The following SYT14 variants were observed in gnomAD, a reference collection of about 807,000 sequenced individuals.
SYT14 encodes the protein synaptotagmin 14, also known as synaptotagmin-14.
SYT14 carries 32 observed loss-of-function variants against 74.2 expected under a neutral mutation model. The ratio of observed to expected loss-of-function variants is 0.43; its 90% CI spans 0.33 to 0.58. The LOEUF (loss-of-function observed/expected upper bound fraction) is 0.58. Ranked by LOEUF, SYT14 falls within the 20% of genes least tolerant of loss-of-function variation. SYT14 has a pLI of 0.05. For missense variants in SYT14, 791 were observed against 981.8 expected, an observed-to-expected ratio of 0.81 and a Z score of 2.60; for synonymous variants, 298 against 337.7, an observed-to-expected ratio of 0.88 and a Z score of 1.29.
chr1:210,059,742 C>G (rs1204275252), intron 5 of SYT14, among the ~76,000 whole-genome samples: 2 of 152,088 alleles, frequency 1.3e-5, no homozygotes, highest in African/African-American at 4.8e-5. Flanking sequence ...TGAAAGATAT[C>G]TCCTTTTCTT....
chr1:210,062,840 G>A (rs2081230350), intron 5 of SYT14, among the ~76,000 whole-genome samples: 1 of 151,676 alleles, frequency 6.6e-6, no homozygotes, highest in Non-Finnish European at 1.5e-5. Flanking sequence ...AATATTAAAT[G>A]TTTTAGTTTT....
intron 7 of SYT14, among the ~76,000 whole-genome samples, chr1:210,112,899 T>A (rs1189096470): frequency 6.6e-6 from 1 of 151,364 alleles, no homozygotes; most frequent in Non-Finnish European, 1.5e-5. Flanking sequence ...GGCAATGAGT[T>A]CAGCTTGCTG....
rs1356440193 is a variant in SYT14, at chr1:210,059,443, T to TAGAGAGAGAGAG, written c.1313-34878_1313-34877insGAGAGAGAGAGA. On this transcript the variant is annotated intron_variant, in intron 5 of 9. Transcript: ENST00000637265. ...ACAAGAAAGAATATATATATATATA[T>TAGAGAGAGAGAG]ATATATATAGAGAGAGAGAGAGAGA... 7.8e-4 allele frequency among the ~76,000 whole-genome samples: 75 copies of TAGAGAGAGAGAG among 96,188 alleles called. 1 individual carries two copies. The highest frequency in any genetic ancestry group is 0.012 in the Middle Eastern group (2 of 172). The allele number at this position is 96,188 out of a possible 152,430, so 63.1% of individuals were successfully genotyped here.
chr1:209,945,378 G>A (rs758781379), intron 1 of SYT14, among the ~76,000 whole-genome samples: 4 of 152,094 alleles, frequency 2.6e-5, no homozygotes, highest in Non-Finnish European at 5.9e-5. Context: ...ACCAAAATTG[G>A]TATTATTCCT....
At chr1:210,018,067 A>G (rs12403002) in intron 4 of SYT14, among the ~76,000 whole-genome samples, 5,282 of 152,334 alleles carry the variant, frequency 0.035, 616 homozygotes, top group Admixed American at 0.23. Context: ...TCCAGGATGG[A>G]TGAACTAACT....
At chr1:209,956,421 A>T (rs1388118389) in intron 2 of SYT14, among the ~76,000 whole-genome samples, 2 of 152,188 alleles carry the variant, frequency 1.3e-5, no homozygotes, top group Non-Finnish European at 2.9e-5. Context: ...TGGCATCTTC[A>T]GCACATGGCT....
chr1:209,996,329 A>G (rs2079790317), intron 2 of SYT14, among the ~76,000 whole-genome samples: 1 of 152,174 alleles, frequency 6.6e-6, no homozygotes, highest in Admixed American at 6.5e-5. Context: ...AACAACTCTA[A>G]TGCACACAAA....
chr1:209,943,508 C>CAAAAAAAAA (rs58806792), intron 1 of SYT14, among the ~76,000 whole-genome samples: 3 of 59,308 alleles, frequency 5.1e-5, no homozygotes, highest in African/African-American at 6.7e-5. Flanking sequence ...GATTCAATCT[C>CAAAAAAAAA]AAAAAAAAAA....
Position 210,059,836 on chromosome 1 carries a change from T to G in SYT14, c.1313-34486T>G, listed in dbSNP as rs1030646381. Among the ~76,000 whole-genome samples the G allele has an allele frequency of 2.6e-5, 4 of 152,126 alleles. No homozygotes were observed. In the East Asian group the frequency reaches 7.7e-4, roughly 29 times the overall value. ...TCACCCTCTAATTTGCAAGACATGT[T>G]TATATATAGTCTTAGTTTAAGATGC... On this transcript the variant is annotated intron_variant, in intron 5 of 9. Transcript: ENST00000637265.
chr1:210,120,692 T>C (rs887708092), intron 7 of SYT14, among the ~76,000 whole-genome samples: 1 of 152,178 alleles, frequency 6.6e-6, no homozygotes, highest in Admixed American at 6.5e-5. Flanking sequence ...TTCTGTGTCA[T>C]TGACATGTGA....
intron 5 of SYT14, among the ~76,000 whole-genome samples, chr1:210,093,132 G>A (rs2081906692): frequency 1.3e-5 from 2 of 151,486 alleles, no homozygotes; most frequent in African/African-American, 4.9e-5. Flanking sequence ...TTCAAAATTG[G>A]GGCCTCTGAG....
chr1:210,034,148 A>G (rs2080602098), intron 5 of SYT14, among the ~76,000 whole-genome samples: 1 of 151,806 alleles, frequency 6.6e-6, no homozygotes, highest in Non-Finnish European at 1.5e-5. Context: ...AAGTTCTGTT[A>G]GTGTCCATAT....
chr1:210,046,120 C>T (rs2080879515), intron 5 of SYT14, among the ~76,000 whole-genome samples: 1 of 152,138 alleles, frequency 6.6e-6, no homozygotes, highest in Non-Finnish European at 1.5e-5. Context: ...CCTATAATCC[C>T]AGCACCTTGG....
At chr1:210,156,847 C>G (rs1192881270) in intron 8 of SYT14, 2 of 390,566 alleles carry the variant, frequency 5.1e-6, no homozygotes, top group Non-Finnish European at 1.1e-5. Flanking sequence ...CACCCACCAC[C>G]ACACCTAGCT....
rs193055822 is a variant in SYT14, at chr1:209,959,107, T to A, written c.-486+6351T>A. On this transcript the variant is annotated intron_variant, in intron 2 of 9. Coordinates refer to ENST00000637265, the Ensembl canonical transcript of SYT14. ...ATATGTTTATACAAAAATTTGTAGA[T>A]GAATATTCACAGCAAGATTATTCTT... is the stretch of plus-strand genomic sequence containing the variant. Among the ~76,000 whole-genome samples, 133 of 152,318 alleles carry A rather than the reference T, an allele frequency of 8.7e-4. 1 individual carries two copies. Among genetic ancestry groups the A allele is most frequent in the African/African-American group, 3.0e-3 (126 of 41,576 alleles).
rs111877225 is a variant in SYT14, at chr1:209,990,561, G to GTA, written c.-485-23064_-485-23063dup. 1.8e-3 allele frequency among the ~76,000 whole-genome samples: 48 copies of GTA among 26,076 alleles called. 2 individuals carry two copies. The highest frequency in any genetic ancestry group is 4.7e-3 in the African/African-American group (42 of 8,990). 17.1% of individuals were successfully genotyped at this position (26,076 alleles called of 152,430 possible). On this transcript the variant is annotated intron_variant, in intron 2 of 9. Transcript: ENST00000637265. ...TACGTATATATATGTATATATATAC[G>GTA]TATATATATGTATGTATATTTCTTG...
Position 209,949,328 on chromosome 1 carries a change from A to G in SYT14, c.-533-3381A>G, listed in dbSNP as rs553880253. ...GGTGGCTCATGCCTGTAATCCTAGCACTATGGGAGGCCGAGGCGGGCGGAT... is the reference window on the plus strand; with the variant it reads ...GGTGGCTCATGCCTGTAATCCTAGCGCTATGGGAGGCCGAGGCGGGCGGAT... On this transcript the variant is annotated intron_variant, in intron 1 of 9. Coordinates refer to ENST00000637265, the Ensembl canonical transcript of SYT14. Among the ~76,000 whole-genome samples, 636 of 152,266 alleles carry G rather than the reference A, an allele frequency of 4.2e-3. 10 individuals carry two copies. Among genetic ancestry groups the G allele is most frequent in the African/African-American group, 0.014 (601 of 41,542 alleles).
intron 1 of SYT14, among the ~76,000 whole-genome samples, chr1:209,946,064 G>A (rs1006545943): frequency 1.3e-5 from 2 of 152,108 alleles, no homozygotes; most frequent in South Asian, 2.1e-4. Flanking sequence ...TGTTTTGGGC[G>A]CTACGAGCCA....
At chr1:210,138,147 A>C (rs2082830722) in intron 7 of SYT14, among the ~76,000 whole-genome samples, 1 of 152,204 alleles carries the variant, frequency 6.6e-6, no homozygotes, top group African/African-American at 2.4e-5. Context: ...TTTATAAAGA[A>C]AAAGGGTTTA....
Sources: allele counts gnomAD v4.1 joint callset (sites outside exome capture counted in the v4.1 genomes callset), GRCh38; gene constraint gnomAD v4.1.1; transcripts MANE v1.5; gene names NCBI Gene and HGNC (gene_info 2026-07-23, HGNC 2026-07-21).